The following BIRC2 variants were observed in gnomAD, a reference collection of about 807,000 sequenced individuals.
BIRC2 encodes the protein baculoviral IAP repeat-containing protein 2.
Under a neutral mutation model 60.9 loss-of-function variants are expected in BIRC2, and 18 were observed. The ratio of observed to expected loss-of-function variants is 0.30; its 90% CI spans 0.20 to 0.44. The LOEUF is 0.44. BIRC2 is among the 20% of genes least tolerant of loss of function. The pLI is 1.00. For synonymous variants in BIRC2, 282 were observed against 247.7 expected (o/e 1.14, Z -1.30); for missense variants, 701 against 728.5 (o/e 0.96, Z 0.43).
At chr11:102,373,755 CA>C (rs1490793355) in intron 6 of BIRC2, among the ~76,000 whole-genome samples, 1 of 151,690 alleles carries the variant, frequency 6.6e-6, no homozygotes, top group Non-Finnish European at 1.5e-5. Flanking sequence ...TAATATCCTG[CA>C]GAGTGTTTTC....
intron 6 of BIRC2, among the ~76,000 whole-genome samples, chr11:102,370,128 T>C (rs996316883): frequency 4.7e-5 from 7 of 150,068 alleles, no homozygotes; most frequent in African/African-American, 1.7e-4. Context: ...CTGTTCACTC[T>C]GATGGTAGTT....
intron 3 of BIRC2, among the ~76,000 whole-genome samples, chr11:102,360,696 T>C (rs941460868): frequency 1.1e-4 from 16 of 151,898 alleles, no homozygotes; most frequent in African/African-American, 3.4e-4. Context: ...CTTTTTTTTT[T>C]TTTCTTTCTG....
intron 3 of BIRC2, among the ~76,000 whole-genome samples, chr11:102,357,941 A>C (rs746182645): frequency 9.2e-5 from 14 of 152,234 alleles, no homozygotes; most frequent in Admixed American, 3.3e-4. Context: ...TTTCAATTTT[A>C]ATATTTCTTG....
intron 1 of BIRC2, chr11:102,347,791 C>A (rs1176660560): frequency 6.6e-6 from 1 of 152,224 alleles, no homozygotes; most frequent in Non-Finnish European, 1.5e-5. Flanking sequence ...TGCGCTCTGT[C>A]ATTCCAGTAG....
At chr11:102,347,997 GC>G (rs1951311594) in intron 1 of BIRC2, among the ~76,000 whole-genome samples, 1 of 152,182 alleles carries the variant, frequency 6.6e-6, no homozygotes, top group Non-Finnish European at 1.5e-5. Flanking sequence ...AAGCAATCAT[GC>G]CAGTGGTCGT....
At chr11:102,365,210 C>G (rs1951540062) in intron 5 of BIRC2, among the ~76,000 whole-genome samples, 1 of 152,190 alleles carries the variant, frequency 6.6e-6, no homozygotes, top group Admixed American at 6.5e-5. Context: ...TGTATTCCAT[C>G]CCCTACTGTC....
chr11:102,377,791 T>A, intron 7 of BIRC2, 41 bp downstream of exon 7: 1 of 1,593,910 alleles, frequency 6.3e-7, no homozygotes, highest in South Asian at 1.2e-5. Flanking sequence ...TTCTTAGGAC[T>A]GGCCAGATGC....
intron 1 of BIRC2, 88 bp from the exon 2 acceptor site, chr11:102,348,510 G>T: frequency 6.0e-6 from 1 of 167,928 alleles, no homozygotes; most frequent in South Asian, 1.2e-4. Flanking sequence ...ATTATTCTTA[G>T]ACTTTACTGA....
intron 3 of BIRC2, among the ~76,000 whole-genome samples, chr11:102,361,840 CTT>C (rs11225226): frequency 7.2e-6 from 1 of 139,722 alleles, no homozygotes. Context: ...GTTATTCTCC[CTT>C]TTTTTTTTTT....
At chr11:102,366,964 T>C (rs1167682260) in intron 5 of BIRC2, among the ~76,000 whole-genome samples, 1 of 152,212 alleles carries the variant, frequency 6.6e-6, no homozygotes, top group African/African-American at 2.4e-5. Context: ...AGCTTTTCCC[T>C]CAATTTAAGG....
intron 6 of BIRC2, among the ~76,000 whole-genome samples, chr11:102,375,484 T>G (rs985604364): frequency 6.6e-6 from 1 of 152,144 alleles, no homozygotes; most frequent in African/African-American, 2.4e-5. Context: ...GATTTGTGTT[T>G]AAATTCTAGC....
intron 5 of BIRC2, among the ~76,000 whole-genome samples, chr11:102,366,223 T>C (rs1357114112): frequency 2.0e-5 from 3 of 152,218 alleles, no homozygotes; most frequent in Non-Finnish European, 4.4e-5. Context: ...ATGGTACTCA[T>C]TTCCCAGCAT....
chr11:102,374,138 T>C (rs1401979658), intron 6 of BIRC2, among the ~76,000 whole-genome samples: 1 of 150,176 alleles, frequency 6.7e-6, no homozygotes, highest in African/African-American at 2.5e-5. Context: ...TCAGAGTAAT[T>C]TGATCGTCTG....
intron 3 of BIRC2, among the ~76,000 whole-genome samples, chr11:102,361,840 C>CTTTT (rs11225226): frequency 7.2e-6 from 1 of 139,724 alleles, no homozygotes; most frequent in Admixed American, 7.1e-5. Context: ...GTTATTCTCC[C>CTTTT]TTTTTTTTTT....
At chr11:102,373,067 A>G (rs1164603280) in intron 6 of BIRC2, among the ~76,000 whole-genome samples, 1 of 150,006 alleles carries the variant, frequency 6.7e-6, no homozygotes, top group Non-Finnish European at 1.5e-5. Context: ...GTGTCTCTGC[A>G]CGTGAGATGG....
At chr11:102,370,475 T>C (rs914988652) in intron 6 of BIRC2, among the ~76,000 whole-genome samples, 6 of 142,010 alleles carry the variant, frequency 4.2e-5, no homozygotes, top group Non-Finnish European at 6.1e-5. Context: ...CAGATAGTTA[T>C]AGATACGCGG....
rs548310302 is a variant in BIRC2, at chr11:102,349,932, G to A, written c.78G>A (p.Thr26=). The change falls in exon 2 of 9, where the codon ACG becomes ACA. Residue 26 remains threonine (T), a synonymous_variant. Transcript: ENST00000227758. ...QNIKSIMEDS[T]ILSDWTNSNK... is the part of the protein sequence containing the mutation. Reference sequence around the variant, plus strand: ...TTAAGAGTATAATGGAAGATAGCACGATCTTGTCAGATTGGACAAACAGCA... The same window carrying A: ...TTAAGAGTATAATGGAAGATAGCACAATCTTGTCAGATTGGACAAACAGCA... 4 of 1,614,168 alleles carry A rather than the reference G, an allele frequency of 2.5e-6. No homozygotes were observed. The East Asian group carries it at 6.7e-5, about 27-fold the overall frequency.
chr11:102,360,730 G>A (rs1401903855), intron 3 of BIRC2, among the ~76,000 whole-genome samples: 1 of 141,540 alleles, frequency 7.1e-6, no homozygotes, highest in African/African-American at 2.6e-5. Flanking sequence ...TGTGTTATCT[G>A]TGTATTTGAT....
Position 102,377,571 on chromosome 11 carries a change from A to G in BIRC2, c.1442A>G (p.Asn481Ser). Residue 481 changes from asparagine (N) to serine (S), a missense_variant, in exon 7 of 9, where the codon AAT (asparagine) becomes AGT (serine). Transcript: ENST00000227758. ...QLTCVLPILD[N>S]LLKANVINKQ... ...ACATGTGTGCTTCCTATCCTGGATA[A>G]TCTTTTAAAGGCCAATGTAATTAAT... The G allele has an allele frequency of 1.2e-6, 2 of 1,611,498 alleles. No individual in the cohort carries two copies. Among genetic ancestry groups the G allele is most frequent in the African/African-American group, 1.3e-5 (1 of 74,928 alleles).
Sources: allele counts gnomAD v4.1 joint callset (sites outside exome capture counted in the v4.1 genomes callset), GRCh38; gene constraint gnomAD v4.1.1; transcripts MANE v1.5; gene names NCBI Gene and HGNC (gene_info 2026-07-23, HGNC 2026-07-21).